HACE1: variants seen among roughly 807,000 people sequenced by gnomAD.
The protein encoded by HACE1 is HECT domain and ankyrin repeat containing E3 ubiquitin protein ligase 1.
Under a neutral mutation model 118.4 loss-of-function variants are expected in HACE1, and 73 were observed. That is an observed-to-expected ratio of 0.62 (90% CI 0.51 to 0.75). HACE1 has a LOEUF of 0.75. HACE1 is among the 30% of genes least tolerant of loss of function. The probability of loss-of-function intolerance (pLI) is 0.00; values close to 1 mark genes in which losing one functional copy is unlikely to be tolerated. For synonymous variants in HACE1, 368 were observed against 374.8 expected, an observed-to-expected ratio of 0.98 and a Z score of 0.21; for missense variants, 749 against 1,102.2, an observed-to-expected ratio of 0.68 and a Z score of 4.54.
chr6:104,843,092 C>G (rs1386112826), intron 5 of HACE1, 131 bp downstream of exon 5: 2 of 692,134 alleles, frequency 2.9e-6, no homozygotes, highest in Non-Finnish European at 5.3e-6. Context: ...GCCTGAGTGA[C>G]AGAGCGAGAC....
chr6:104,757,631 C>T (rs887072311), intron 19 of HACE1, among the ~76,000 whole-genome samples: 2 of 152,124 alleles, frequency 1.3e-5, no homozygotes, highest in Admixed American at 6.6e-5. Flanking sequence ...ACCAGAACAC[C>T]TCTTCACCTC....
chr6:104,754,881 A>T (rs1778429807), intron 19 of HACE1, among the ~76,000 whole-genome samples: 1 of 152,192 alleles, frequency 6.6e-6, no homozygotes, highest in South Asian at 2.1e-4. Context: ...ACATAAACCA[A>T]GCCTGCAAAA....
intron 6 of HACE1, among the ~76,000 whole-genome samples, chr6:104,818,399 G>A (rs1241241543): frequency 6.6e-6 from 1 of 151,940 alleles, no homozygotes; most frequent in Non-Finnish European, 1.5e-5. Context: ...CAGAAAATAA[G>A]CCTGCCAACC....
At chr6:104,780,077 T>C (rs1781568936) in intron 14 of HACE1, among the ~76,000 whole-genome samples, 1 of 152,190 alleles carries the variant, frequency 6.6e-6, no homozygotes, top group South Asian at 2.1e-4. Flanking sequence ...AATAAATAGA[T>C]ACTGTTCTTA....
At chr6:104,760,069 C>T (rs1309794263) in intron 19 of HACE1, among the ~76,000 whole-genome samples, 1 of 152,110 alleles carries the variant, frequency 6.6e-6, no homozygotes, top group Non-Finnish European at 1.5e-5. Flanking sequence ...AGCCTACCAA[C>T]TAAAAAAAGT....
Position 104,744,288 on chromosome 6 carries a change from T to A in HACE1, c.2443-58A>T. The A allele has an allele frequency of 2.9e-6, 3 of 1,049,214 alleles. No homozygotes were observed. In the East Asian group the frequency reaches 7.1e-5, roughly 25 times the overall value. The allele number at this position is 1,049,214 out of a possible 1,614,324, so 65.0% of individuals were successfully genotyped here. On this transcript the variant is annotated intron_variant, in intron 21 of 23. Coordinates refer to ENST00000262903, the MANE Select transcript of HACE1 (RefSeq NM_020771.4). Reference sequence around the variant, plus strand: ...TTCAGAGCAATTGTAGACTTCTCAATACCAGAGAAATATGCAATATTCATA... The same window carrying A: ...TTCAGAGCAATTGTAGACTTCTCAAAACCAGAGAAATATGCAATATTCATA...
chr6:104,752,882 C>A (rs1267635093), intron 19 of HACE1, among the ~76,000 whole-genome samples: 1 of 152,114 alleles, frequency 6.6e-6, no homozygotes, highest in Non-Finnish European at 1.5e-5. Flanking sequence ...TCCTTCACAT[C>A]CCAGTCTTCA....
At position 104,831,988 on chromosome 6, in the gene HACE1, A is replaced by AAGAGAAGAGG. The variant is rs1562471383; in HGVS notation, c.534+1053_534+1054insCCTCTTCTCT. Among the ~76,000 whole-genome samples, 44 of 53,878 alleles carry AAGAGAAGAGG rather than the reference A, an allele frequency of 8.2e-4. 1 individual carries two copies. The highest frequency in any genetic ancestry group is 1.4e-3 in the Non-Finnish European group (31 of 22,346). The allele number at this position is 53,878 out of a possible 152,430, so 35.3% of individuals were successfully genotyped here. A position where few individuals can be genotyped will look rare whatever the true frequency, so the allele number is the denominator to read the frequency against. The stretch of plus-strand genomic sequence containing the variant: ...GAGAAGAGAAGAGAAGAGAGGAAGG[A>AAGAGAAGAGG]AGGAAGGAAGGAAGGAAGGAAGGAA... On this transcript the variant is annotated intron_variant, in intron 6 of 23. Coordinates refer to ENST00000262903, the MANE Select transcript of HACE1 (RefSeq NM_020771.4).
At chr6:104,826,941 G>A (rs1014065738) in intron 6 of HACE1, among the ~76,000 whole-genome samples, 2 of 152,082 alleles carry the variant, frequency 1.3e-5, no homozygotes, top group African/African-American at 4.8e-5. Context: ...CGGAGGAACC[G>A]CAAAAGAAAA....
At chr6:104,815,420 T>C (rs1582613498) in intron 6 of HACE1, among the ~76,000 whole-genome samples, 1 of 132,650 alleles carries the variant, frequency 7.5e-6, no homozygotes, top group African/African-American at 3.1e-5. Context: ...TAGGCTGGAG[T>C]GTAATGGCAT....
At chr6:104,778,380 A>G (rs1231676136) in intron 14 of HACE1, among the ~76,000 whole-genome samples, 1 of 152,064 alleles carries the variant, frequency 6.6e-6, no homozygotes, top group Non-Finnish European at 1.5e-5. Context: ...AACACAATAT[A>G]TATATATATA....
chr6:104,849,216 C>A lies in HACE1; in HGVS notation c.252G>T (p.Leu84=), dbSNP rs772357540. The A allele has an allele frequency of 7.5e-6, 12 of 1,609,062 alleles. No homozygotes were observed. In the African/African-American group the frequency reaches 1.2e-4, roughly 16 times the overall value. ...AGTTAGGATTTGCTCCTTTCTTTAA[C>A]AGCAAAACCAAGCATTCCACCGATC... The part of the protein sequence containing the change: ...NCGSVECLVL[L]LKKGANPNYQ... Residue 84 remains leucine (L), a synonymous_variant, in exon 4 of 24, where the codon CTG becomes CTT. Transcript: ENST00000262903.
At chr6:104,740,397 T>C (rs1468925694) in intron 22 of HACE1, among the ~76,000 whole-genome samples, 1 of 151,576 alleles carries the variant, frequency 6.6e-6, no homozygotes, top group Non-Finnish European at 1.5e-5. Flanking sequence ...TTTGAAAGGA[T>C]CAACAAAATT....
At chr6:104,797,468 T>C (rs1237684716) in intron 7 of HACE1, among the ~76,000 whole-genome samples, 2 of 150,544 alleles carry the variant, frequency 1.3e-5, no homozygotes, top group Non-Finnish European at 2.9e-5. Context: ...GTACATTTTA[T>C]GGCACACTTG....
chr6:104,800,815 A>G lies in HACE1; in HGVS notation c.618-3790T>C, dbSNP rs531288708. Among the ~76,000 whole-genome samples the G allele has an allele frequency of 3.8e-4, 58 of 152,310 alleles. No individual in the cohort carries two copies. The South Asian group carries it at 0.012, about 31-fold the overall frequency. On this transcript the variant is annotated intron_variant, in intron 7 of 23. Transcript: ENST00000262903. ...AAACCAGAGCACCTCTTCTCCTCCAACTGCTCACAGCTCCTTGCCAGCAAT... is the reference window on the plus strand; with the variant it reads ...AAACCAGAGCACCTCTTCTCCTCCAGCTGCTCACAGCTCCTTGCCAGCAAT...
chr6:104,730,558 A>G, intron 22 of HACE1, 142 bp from the exon 23 acceptor site: 1 of 652,614 alleles, frequency 1.5e-6, no homozygotes, highest in Non-Finnish European at 2.8e-6. Context: ...CAAAACTCCA[A>G]TTCATTACTG....
At chr6:104,741,273 C>T (rs1158576939) in intron 22 of HACE1, among the ~76,000 whole-genome samples, 120 of 120,688 alleles carry the variant, frequency 9.9e-4, no homozygotes, top group Non-Finnish European at 1.7e-3. Flanking sequence ...CCTCTCTCAC[C>T]ACTCCTATTC....
chr6:104,839,397 T>C (rs1774869562), intron 5 of HACE1, among the ~76,000 whole-genome samples: 1 of 152,174 alleles, frequency 6.6e-6, no homozygotes, highest in Non-Finnish European at 1.5e-5. Flanking sequence ...CCAAGGAATG[T>C]GACAAACAAA....
chr6:104,795,961 C>T (rs370604300), intron 9 of HACE1, among the ~76,000 whole-genome samples: 7 of 152,154 alleles, frequency 4.6e-5, no homozygotes, highest in African/African-American at 1.4e-4. Context: ...ACCTCTAAAA[C>T]GAAAGAGAAA....
Sources: allele counts gnomAD v4.1 joint callset (sites outside exome capture counted in the v4.1 genomes callset), GRCh38; gene constraint gnomAD v4.1.1; transcripts MANE v1.5; gene names NCBI Gene and HGNC (gene_info 2026-07-23, HGNC 2026-07-21).